The following LOXHD1 variants were observed in gnomAD, a reference collection of about 807,000 sequenced individuals.
LOXHD1 encodes the protein lipoxygenase homology PLAT domains 1.
In LOXHD1, 205 loss-of-function variants were observed where a neutral mutation model predicts 248.2. The observed-to-expected ratio is 0.83, with a 90% CI of 0.74 to 0.93. LOXHD1 has a LOEUF of 0.93. LOXHD1 is among the 40% of genes least tolerant of loss of function. The probability of loss-of-function intolerance (pLI) is 0.00; values close to 1 mark genes in which losing one functional copy is unlikely to be tolerated. For missense variants in LOXHD1, 2,930 were observed against 2,971.6 expected (o/e 0.99, Z 0.33); for synonymous variants, 1,113 against 1,162.8 (o/e 0.96, Z 0.87).
intron 37 of LOXHD1, among the ~76,000 whole-genome samples, chr18:46,503,677 A>T (rs1310612997): frequency 6.6e-6 from 1 of 152,174 alleles, no homozygotes; most frequent in Non-Finnish European, 1.5e-5. Flanking sequence ...TTTGAGCATG[A>T]TTTGCGAGTA....
intron 37 of LOXHD1, among the ~76,000 whole-genome samples, chr18:46,493,947 C>T (rs924705468): frequency 6.6e-6 from 1 of 152,218 alleles, no homozygotes. Context: ...TCCCCTAGCC[C>T]AGTGAGATGG....
At chr18:46,601,186 AG>A (rs2038330926) in intron 8 of LOXHD1, 30 bp downstream of exon 8, 1 of 1,541,070 alleles carries the variant, frequency 6.5e-7, no homozygotes. Flanking sequence ...GGGTTGAATC[AG>A]GGAAGGCTGT....
chr18:46,479,140 T>A (rs891785649), intron 40 of LOXHD1, among the ~76,000 whole-genome samples: 1 of 152,018 alleles, frequency 6.6e-6, no homozygotes, highest in African/African-American at 2.4e-5. Flanking sequence ...AGAGTGACAA[T>A]TTTAGGCAAA....
intron 21 of LOXHD1, among the ~76,000 whole-genome samples, chr18:46,552,102 G>A (rs746853801): frequency 2.6e-4 from 40 of 152,164 alleles, no homozygotes; most frequent in Non-Finnish European, 5.0e-4. Context: ...AGTCATGCAA[G>A]ATGAAAAAAA....
chr18:46,571,037 G>C (rs1418916639), intron 15 of LOXHD1, among the ~76,000 whole-genome samples: 1 of 152,156 alleles, frequency 6.6e-6, no homozygotes, highest in African/African-American at 2.4e-5. Flanking sequence ...GTTGTGGAGG[G>C]GGAATAGGGG....
intron 28 of LOXHD1, among the ~76,000 whole-genome samples, chr18:46,529,747 C>T (rs112067808): frequency 2.0e-4 from 30 of 152,250 alleles, no homozygotes; most frequent in African/African-American, 4.8e-4. Flanking sequence ...AGTGTCAACA[C>T]GAGATCCTTC....
intron 12 of LOXHD1, among the ~76,000 whole-genome samples, chr18:46,586,431 GTT>G (rs59565700): frequency 0.79 from 120,491 of 151,954 alleles, 48,322 homozygotes; most frequent in Non-Finnish European, 0.86. Context: ...TATAGCTGTT[GTT>G]TTTTTTGTTT....
chr18:46,634,222 T>C (rs1343597866), intron 4 of LOXHD1, among the ~76,000 whole-genome samples: 2 of 152,160 alleles, frequency 1.3e-5, no homozygotes, highest in African/African-American at 2.4e-5. Context: ...GTTATACCCA[T>C]ACAATGGGAT....
chr18:46,597,555 C>T (rs1048551335), intron 8 of LOXHD1, among the ~76,000 whole-genome samples: 1 of 151,296 alleles, frequency 6.6e-6, no homozygotes, highest in Non-Finnish European at 1.5e-5. Flanking sequence ...CACACACACA[C>T]ACACACACAC....
At chr18:46,543,338 A>G (rs1181063863) in intron 23 of LOXHD1, among the ~76,000 whole-genome samples, 4 of 152,188 alleles carry the variant, frequency 2.6e-5, no homozygotes, top group Non-Finnish European at 5.9e-5. Context: ...ATTGTTGTAT[A>G]AGACATTATT....
rs778326558 is a variant in LOXHD1, at chr18:46,542,721, C to T, written c.3748+6G>A. Reference sequence around the variant, plus strand: ...TAGCAAGGAACAGAGGGGAGGGAAGCCACACCTGTGTTGTCATGGCCAAGC... The same window carrying T: ...TAGCAAGGAACAGAGGGGAGGGAAGTCACACCTGTGTTGTCATGGCCAAGC... On this transcript the variant is annotated splice_donor_region_variant and intron_variant, in intron 24 of 40. Transcript: ENST00000642948. The T allele has an allele frequency of 6.4e-7, 1 of 1,551,568 alleles. No individual in the cohort carries two copies. The highest frequency in any genetic ancestry group is 1.2e-5 in the South Asian group (1 of 84,044).
intron 4 of LOXHD1, among the ~76,000 whole-genome samples, chr18:46,625,699 A>T (rs11659901): frequency 0.08 from 12,180 of 152,202 alleles, 547 homozygotes; most frequent in East Asian, 0.14. Flanking sequence ...GTCTGATACT[A>T]TCAGGTGTTG....
intron 6 of LOXHD1, among the ~76,000 whole-genome samples, chr18:46,606,100 A>T (rs574163203): frequency 2.8e-4 from 42 of 152,348 alleles, no homozygotes; most frequent in African/African-American, 9.6e-4. Context: ...TTAAAGACAG[A>T]TAAGACTACA....
At chr18:46,521,364 G>A in intron 32 of LOXHD1, 82 bp from the exon 33 acceptor site, 1 of 1,466,176 alleles carries the variant, frequency 6.8e-7, no homozygotes. Context: ...CTCCCTCAGT[G>A]CTTCTTCCCA....
rs1356000548 is a variant in LOXHD1 at position 46,642,139 on chromosome 18, C to A, written c.246-103G>T. 6.9e-6 allele frequency: 7 copies of A among 1,009,056 alleles called. No individual in the cohort carries two copies. In the Admixed American group the frequency reaches 1.4e-4, roughly 20 times the overall value. 62.5% of individuals were successfully genotyped at this position (1,009,056 alleles called of 1,614,324 possible). A position where few individuals can be genotyped will look rare whatever the true frequency, so the allele number is the denominator to read the frequency against. On this transcript the variant is annotated intron_variant, in intron 2 of 40. Transcript: ENST00000642948. ...CGCTTCTTCCTCCATCATCCCACTC[C>A]TGGGGAGAGCTATGAGCAACAAGAT...
In LOXHD1 at chr18:46,592,087, G is replaced by A; in HGVS notation, c.1519-19C>T. 1 of 1,552,236 alleles carries A rather than the reference G, an allele frequency of 6.4e-7. No individual in the cohort carries two copies. The highest frequency in any genetic ancestry group is 8.7e-7 in the Non-Finnish European group (1 of 1,147,046). On this transcript the variant is annotated intron_variant, in intron 11 of 40. Transcript: ENST00000642948. Reference sequence around the variant, plus strand: ...GGGTCATCTGGAATGAAGTTCTGGGGTGAGCAAGTTGGTGCACCAGGGATG... The same window carrying A: ...GGGTCATCTGGAATGAAGTTCTGGGATGAGCAAGTTGGTGCACCAGGGATG...
At chr18:46,539,529 T>C (rs946012453) in intron 25 of LOXHD1, among the ~76,000 whole-genome samples, 6 of 152,162 alleles carry the variant, frequency 3.9e-5, no homozygotes, top group Non-Finnish European at 7.4e-5. Context: ...GATCTGAATA[T>C]TTAACTCATA....
intron 16 of LOXHD1, among the ~76,000 whole-genome samples, chr18:46,568,781 A>G (rs942866758): frequency 3.3e-5 from 5 of 152,094 alleles, no homozygotes; most frequent in Admixed American, 2.6e-4. Flanking sequence ...CACAAACCTA[A>G]GTTGGGTTCA....
At chr18:46,648,840 C>T (rs537859634) in intron 2 of LOXHD1, among the ~76,000 whole-genome samples, 8 of 152,216 alleles carry the variant, frequency 5.3e-5, no homozygotes, top group Non-Finnish European at 7.4e-5. Context: ...ACCAAGGCCC[C>T]GAGTGCAGAG....
Sources: allele counts gnomAD v4.1 joint callset (sites outside exome capture counted in the v4.1 genomes callset), GRCh38; gene constraint gnomAD v4.1.1; transcripts MANE v1.5; gene names NCBI Gene and HGNC (gene_info 2026-07-23, HGNC 2026-07-21).